EHD3: variants seen among roughly 807,000 people sequenced by gnomAD.
EHD3 encodes EH domain-containing protein 3.
In EHD3, 17 loss-of-function variants were observed where a neutral mutation model predicts 43.0. The ratio of observed to expected loss-of-function variants is 0.40; its 90% CI spans 0.27 to 0.59. EHD3 has a LOEUF of 0.59. Ranked by LOEUF, EHD3 falls within the 20% of genes least tolerant of loss-of-function variation. The pLI, the probability that EHD3 is intolerant of heterozygous loss-of-function variation, is 0.49. For missense variants in EHD3, 594 were observed against 705.6 expected, an observed-to-expected ratio of 0.84 and a Z score of 1.79; for synonymous variants, 313 against 289.5, an observed-to-expected ratio of 1.08 and a Z score of -0.82.
At position 31,249,154 on chromosome 2, in the gene EHD3, C is replaced by A. The variant is rs539473779; in HGVS notation, c.405-217C>A. Reference sequence around the variant, plus strand: ...TTACCAAACACACCCGGGTGCAGGGCGCTCTTAACACTGGATGTGGGGAGA... The same window carrying A: ...TTACCAAACACACCCGGGTGCAGGGAGCTCTTAACACTGGATGTGGGGAGA... On this transcript the variant is annotated intron_variant, in intron 2 of 5. Transcript: ENST00000322054. Among the ~76,000 whole-genome samples the A allele has an allele frequency of 6.6e-5, 10 of 152,316 alleles. No individual in the cohort carries two copies. In the South Asian group the frequency reaches 1.9e-3, roughly 28 times the overall value.
intron 5 of EHD3, among the ~76,000 whole-genome samples, chr2:31,264,889 A>G (rs1180188205): frequency 6.6e-6 from 1 of 152,170 alleles, no homozygotes; most frequent in Non-Finnish European, 1.5e-5. Context: ...TTGTATATCT[A>G]TACACAAATA....
At chr2:31,264,079 T>C (rs1048445062) in intron 5 of EHD3, among the ~76,000 whole-genome samples, 1 of 152,144 alleles carries the variant, frequency 6.6e-6, no homozygotes, top group South Asian at 2.1e-4. Flanking sequence ...TCCTCAGTAA[T>C]GCATTGTTAG....
chr2:31,240,242 C>G (rs1683395475), intron 1 of EHD3, among the ~76,000 whole-genome samples: 1 of 152,202 alleles, frequency 6.6e-6, no homozygotes, highest in Non-Finnish European at 1.5e-5. Context: ...TCTGTCCTGT[C>G]TCCCCTCATT....
intron 3 of EHD3, among the ~76,000 whole-genome samples, chr2:31,253,296 CA>C (rs1182178535): frequency 1.3e-5 from 2 of 149,040 alleles, no homozygotes; most frequent in Non-Finnish European, 3.0e-5. Context: ...GTGCATAGAA[CA>C]AAACTTGCTT....
intron 5 of EHD3, among the ~76,000 whole-genome samples, chr2:31,265,383 G>A (rs532292029): frequency 4.6e-5 from 7 of 152,298 alleles, no homozygotes; most frequent in South Asian, 2.1e-4. Flanking sequence ...CACATAATGC[G>A]TTGTGTTGTG....
chr2:31,265,271 C>T (rs977359174), intron 5 of EHD3, among the ~76,000 whole-genome samples: 1 of 152,080 alleles, frequency 6.6e-6, no homozygotes, highest in Admixed American at 6.5e-5. Context: ...GTAACATAGC[C>T]GTTATCATTA....
intron 5 of EHD3, among the ~76,000 whole-genome samples, chr2:31,263,802 A>T (rs1260721254): frequency 6.6e-6 from 1 of 152,094 alleles, no homozygotes; most frequent in Non-Finnish European, 1.5e-5. Flanking sequence ...CAGCTTCTGG[A>T]GAGTTAGGTG....
In EHD3 at chr2:31,260,758, C is replaced by T. The variant is rs373688842; in HGVS notation, c.751C>T (p.Arg251Trp). ...GATCGTGAACACCCCAGAGGTGATC[C>T]GGGTCTACATCGGCTCCTTCTGGTC... ...GKIVNTPEVI[R>W]VYIGSFWSHP... Residue 251 changes from arginine (R) to tryptophan (W), a missense_variant, in exon 4 of 6, where the codon CGG becomes TGG. Arg to Trp is a moderately radical substitution (Grantham distance 101). This residue lies in a region of EHD3 where 29 missense variants were observed against 60.9 expected (regional missense o/e 0.48). Transcript: ENST00000322054. This position sits in a 1 kb window ranked among gnomAD's most constrained non-coding sequence, Gnocchi z 4.6. The T allele has an allele frequency of 1.1e-5, 17 of 1,614,036 alleles. 1 individual carries two copies. In the South Asian group the frequency reaches 1.2e-4, roughly 11 times the overall value.
At chr2:31,258,228 T>C (rs1020412730) in intron 3 of EHD3, among the ~76,000 whole-genome samples, 2 of 152,050 alleles carry the variant, frequency 1.3e-5, no homozygotes, top group African/African-American at 4.8e-5. Context: ...GACCTTCCTT[T>C]GTTTGTTAGA....
chr2:31,249,711 A>G (rs1683597896), intron 3 of EHD3, among the ~76,000 whole-genome samples: 1 of 152,174 alleles, frequency 6.6e-6, no homozygotes, highest in South Asian at 2.1e-4. Flanking sequence ...TCTCATCTGT[A>G]AAATGAAGAC....
chr2:31,244,223 G>A, intron 1 of EHD3, 51 bp from the exon 2 acceptor site: 2 of 1,570,670 alleles, frequency 1.3e-6, no homozygotes, highest in Non-Finnish European at 1.7e-6. Flanking sequence ...GACATGCCGT[G>A]TTGATCTTTG....
chr2:31,254,219 G>C lies in EHD3; in HGVS notation c.502+4751G>C, dbSNP rs566918027. On this transcript the variant is annotated intron_variant, in intron 3 of 5. Transcript: ENST00000322054. ...CATCACCTGCCCCGGAAGAGCACAGGGGGTAGGAATGAGGGCAAACCTCTC... is the reference window on the plus strand; with the variant it reads ...CATCACCTGCCCCGGAAGAGCACAGCGGGTAGGAATGAGGGCAAACCTCTC... Among the ~76,000 whole-genome samples the C allele has an allele frequency of 2.0e-4, 31 of 152,264 alleles. 1 individual carries two copies. The South Asian group carries it at 5.0e-3, about 24-fold the overall frequency.
intron 3 of EHD3, among the ~76,000 whole-genome samples, chr2:31,256,197 G>A (rs1368564369): frequency 1.3e-5 from 2 of 152,182 alleles, no homozygotes; most frequent in Non-Finnish European, 2.9e-5. Context: ...CTCCTACAGA[G>A]CACATCCCAT....
chr2:31,255,602 C>G (rs1401751964), intron 3 of EHD3, among the ~76,000 whole-genome samples: 3 of 152,184 alleles, frequency 2.0e-5, no homozygotes, highest in Non-Finnish European at 4.4e-5. Flanking sequence ...AGATCTGCAC[C>G]TAAGTCCAGG....
chr2:31,263,968 G>T (rs1683897851), intron 5 of EHD3, among the ~76,000 whole-genome samples: 1 of 152,216 alleles, frequency 6.6e-6, no homozygotes, highest in Non-Finnish European at 1.5e-5. Context: ...TCATGTGAAG[G>T]CAAGAGGAGC....
In EHD3 at chr2:31,250,256, C is replaced by A. The variant is rs570642142; in HGVS notation, c.502+788C>A. On this transcript the variant is annotated intron_variant, in intron 3 of 5. Coordinates refer to ENST00000322054, the MANE Select transcript of EHD3 (RefSeq NM_014600.3). ...AGGGATTATAGATGATCATCATCAT[C>A]ATCGTTGTTTTCTTTTTTTTTTTTT... Among the ~76,000 whole-genome samples the A allele has an allele frequency of 3.8e-4, 55 of 146,028 alleles. No individual in the cohort carries two copies. In the Middle Eastern group the frequency reaches 0.018, roughly 48 times the overall value.
chr2:31,241,113 A>G (rs1558646707), intron 1 of EHD3, among the ~76,000 whole-genome samples: 1 of 152,222 alleles, frequency 6.6e-6, no homozygotes, highest in South Asian at 2.1e-4. Flanking sequence ...ACTGAGGCCA[A>G]GCAGGGAACC....
chr2:31,248,400 T>G (rs1308668100), intron 2 of EHD3, among the ~76,000 whole-genome samples: 1 of 152,140 alleles, frequency 6.6e-6, no homozygotes, highest in Non-Finnish European at 1.5e-5. Context: ...AAACACTACA[T>G]CTGACTTCTC....
At chr2:31,240,011 C>G (rs755117396) in intron 1 of EHD3, among the ~76,000 whole-genome samples, 4 of 152,282 alleles carry the variant, frequency 2.6e-5, no homozygotes, top group Non-Finnish European at 5.9e-5. Context: ...ACTGTCTGGC[C>G]ACCAGATTCT....
Sources: allele counts gnomAD v4.1 joint callset (sites outside exome capture counted in the v4.1 genomes callset), GRCh38; gene constraint gnomAD v4.1.1; regional missense constraint gnomAD v4.1.1; non-coding constraint Gnocchi (gnomAD v3.1); transcripts MANE v1.5; gene names NCBI Gene and HGNC (gene_info 2026-07-23, HGNC 2026-07-21).